Variants in C1orf35 observed in about 807,000 individuals in gnomAD.
C1orf35 encodes the protein chromosome 1 open reading frame 35.
A neutral mutation model predicts 30.9 loss-of-function variants in C1orf35; 36 were observed. The ratio of observed to expected loss-of-function variants is 1.16; its 90% CI spans 0.89 to 1.54. C1orf35 has a LOEUF of 1.54. C1orf35 is among the 40% of genes most tolerant of loss of function. The pLI is 0.00. For missense variants in C1orf35, 396 were observed against 358.7 expected, an observed-to-expected ratio of 1.10 and a Z score of -0.84; for synonymous variants, 179 against 148.2, an observed-to-expected ratio of 1.21 and a Z score of -1.51.
At chr1:228,101,790 C>A in intron 6 of C1orf35, 3 of 1,410,366 alleles carry the variant, frequency 2.1e-6, no homozygotes, top group Non-Finnish European at 2.8e-6. Flanking sequence ...CCAGGAGAAG[C>A]CCTGGAGGTG....
At chr1:228,103,099 C>G in intron 1 of C1orf35, 35 bp downstream of exon 1, 1 of 1,607,976 alleles carries the variant, frequency 6.2e-7, no homozygotes, top group South Asian at 1.1e-5. Flanking sequence ...ATCCCGGAGC[C>G]CGGAGCCCGG....
chr1:228,102,471 C>T lies in C1orf35; in HGVS notation c.374+7G>A. The stretch of plus-strand genomic sequence containing the variant: ...AGTGCTGCCCTCCCCTGGAAACCCG[C>T]CCGCACCTTGCGCTCCCCAGCCCCA... On this transcript the variant is annotated splice_region_variant and intron_variant, in intron 4 of 7. Coordinates refer to ENST00000272139, the MANE Select transcript of C1orf35 (RefSeq NM_024319.4). The T allele has an allele frequency of 6.4e-7, 1 of 1,561,232 alleles. No individual in the cohort carries two copies. The highest frequency in any genetic ancestry group is 8.6e-7 in the Non-Finnish European group (1 of 1,157,264).
At chr1:228,101,705 C>A (rs372982182) in intron 6 of C1orf35, 2 of 1,420,830 alleles carry the variant, frequency 1.4e-6, no homozygotes, top group African/African-American at 2.9e-5. Flanking sequence ...CCACCCCAGC[C>A]GTGCCCTTGG....
chr1:228,101,479 A>G lies in C1orf35; in HGVS notation c.534-6T>C. 1.2e-6 allele frequency: 2 copies of G among 1,611,394 alleles called. No homozygotes were observed. The highest frequency in any genetic ancestry group is 1.1e-5 in the South Asian group (1 of 91,080). The stretch of plus-strand genomic sequence containing the variant: ...TTTTCCTGTGGCTCTCACAACTACA[A>G]GGAGGATACAAGGTGTGCCTCAGAC... On this transcript the variant is annotated splice_polypyrimidine_tract_variant and splice_region_variant and intron_variant, in intron 6 of 7. Coordinates refer to ENST00000272139, the MANE Select transcript of C1orf35 (RefSeq NM_024319.4).
In C1orf35 at chr1:228,103,260, G is replaced by A. The variant is rs2033026042; in HGVS notation, c.-33C>T. ...GGAAGGCAGTTGCCTGGGGCCTGCG[G>A]CTTGCAACCTGCAACCCGCAACCCG... On this transcript the variant is annotated 5_prime_UTR_variant, in exon 1 of 8. Coordinates refer to ENST00000272139, the MANE Select transcript of C1orf35 (RefSeq NM_024319.4). 1 of 1,604,874 alleles carries A rather than the reference G, an allele frequency of 6.2e-7. No homozygotes were observed. Among genetic ancestry groups the A allele is most frequent in the African/African-American group, 1.3e-5 (1 of 74,450 alleles).
Position 228,101,214 on chromosome 1 carries a change from A to AG in C1orf35, c.708dup (p.Cys237LeufsTer3). 6.2e-7 allele frequency: 1 copy of AG among 1,614,094 alleles called. No individual in the cohort carries two copies. Among genetic ancestry groups the AG allele is most frequent in the Non-Finnish European group, 8.5e-7 (1 of 1,180,006 alleles). On this transcript the variant is annotated frameshift_variant, in exon 8 of 8. Transcript: ENST00000272139. LOFTEE classifies it low-confidence loss of function (END_TRUNC). ...TGTCCCCGCTTCCTCCTCTTACAGCAGGGGGAGTTGGAGTCGGAGTCATGG... is the reference window on the plus strand; with the variant it reads ...TGTCCCCGCTTCCTCCTCTTACAGCAGGGGGGAGTTGGAGTCGGAGTCATGG...
At position 228,103,315 on chromosome 1, in the gene C1orf35, G is replaced by C; in HGVS notation, c.-88C>G. ...CCGCTACCCACTACCGTCGGACCCA[G>C]GCCCGACCCCGCCTCCGCGTCGCGC... On this transcript the variant is annotated 5_prime_UTR_variant, in exon 1 of 8. Transcript: ENST00000272139. 1.2e-5 allele frequency: 18 copies of C among 1,466,326 alleles called. No individual in the cohort carries two copies. The highest frequency in any genetic ancestry group is 1.6e-5 in the Non-Finnish European group (18 of 1,092,186). The allele number at this position is 1,466,326 out of a possible 1,614,324, so 90.8% of individuals were successfully genotyped here.
In C1orf35 at chr1:228,102,512, C is replaced by G. The variant is rs184854491; in HGVS notation, c.340G>C (p.Gly114Arg). 5 of 1,558,878 alleles carry G rather than the reference C, an allele frequency of 3.2e-6. No homozygotes were observed. The African/African-American group carries it at 5.4e-5, about 17-fold the overall frequency. The change falls in exon 4 of 8, where the codon GGC becomes CGC. Residue 114 changes from glycine to arginine, a missense_variant. Physicochemically the swap from Gly to Arg is moderately radical, Grantham distance 125. Transcript: ENST00000272139. ...CCCAGCCCCAGCAGCCGGTCCACGC[C>G]CTTCTCCTCGGGGTCGCCTCCTTCC... ...KREGGDPEEK[G>R]VDRLLGLGSA...
intron 6 of C1orf35, 134 bp downstream of exon 6, chr1:228,101,946 G>A: frequency 1.4e-6 from 2 of 1,427,134 alleles, no homozygotes; most frequent in East Asian, 2.6e-5. Context: ...ACTGGGACAG[G>A]AAGTAAAGTA....
In C1orf35 at chr1:228,102,638, GTT is replaced by G. The variant is rs1179830573; in HGVS notation, c.291+3_291+4del. 6.2e-7 allele frequency: 1 copy of G among 1,603,266 alleles called. No individual in the cohort carries two copies. The highest frequency in any genetic ancestry group is 1.7e-5 in the Admixed American group (1 of 59,248). The stretch of plus-strand genomic sequence containing the variant: ...CTCCACGCGCCCCCCACCCCGGGGA[GTT>G]ACCTCCTTGCTCAGGCCCGTGGGCT... On this transcript the variant is annotated splice_donor_region_variant and intron_variant, in intron 3 of 7. Coordinates refer to ENST00000272139, the MANE Select transcript of C1orf35 (RefSeq NM_024319.4).
In C1orf35 at chr1:228,102,104, C is replaced by T; in HGVS notation, c.509G>A (p.Arg170Gln). Reference sequence around the variant, plus strand: ...CCTGCTTTCCGTCTGATCCTCCGCCCGCGGCTTCCTCCTGGCCGAGGCTGC... The same window carrying T: ...CCTGCTTTCCGTCTGATCCTCCGCCTGCGGCTTCCTCCTGGCCGAGGCTGC... ...TSAASARRKP[R>Q]AEDQTESSCE... Residue 170 changes from arginine (R) to glutamine (Q), a missense_variant, in exon 6 of 8, where the codon CGG (arginine) becomes CAG (glutamine). Physicochemically the swap from Arg to Gln is conservative, Grantham distance 43 (BLOSUM62 1). Transcript: ENST00000272139. The T allele has an allele frequency of 6.3e-7, 1 of 1,582,860 alleles. No individual in the cohort carries two copies. The highest frequency in any genetic ancestry group is 8.5e-7 in the Non-Finnish European group (1 of 1,172,384).
At chr1:228,102,022 C>T (rs1012005115) in intron 6 of C1orf35, 58 bp downstream of exon 6, 63 of 1,458,660 alleles carry the variant, frequency 4.3e-5, no homozygotes, top group Non-Finnish European at 5.1e-5. Flanking sequence ...GGAGCCGCTC[C>T]GGTCCTCCCG....
At chr1:228,101,310 C>A (rs776561029) in intron 7 of C1orf35, 29 bp downstream of exon 7, 3 of 1,614,034 alleles carry the variant, frequency 1.9e-6, no homozygotes, top group Non-Finnish European at 2.5e-6. Context: ...GCCCCCACCC[C>A]CAAGAGGCAG....
chr1:228,101,688 C>A (rs2032950096), intron 6 of C1orf35: 1 of 1,434,478 alleles, frequency 7.0e-7, no homozygotes, highest in Non-Finnish European at 9.1e-7. Context: ...CACAGCACGC[C>A]CCTGCCCCAC....
intron 2 of C1orf35, 96 bp downstream of exon 2, chr1:228,102,803 T>TTCCCCCCCCCCC: frequency 8.4e-7 from 1 of 1,187,490 alleles, no homozygotes; most frequent in Non-Finnish European, 1.1e-6. Context: ...GCAGCCCCGC[T>TTCCCCCCCCCCC]CCCGCCCAGC....
chr1:228,103,294 T>C lies in C1orf35; in HGVS notation c.-67A>G. The C allele has an allele frequency of 6.4e-7, 1 of 1,555,792 alleles. No homozygotes were observed. On this transcript the variant is annotated 5_prime_UTR_variant, in exon 1 of 8. Transcript: ENST00000272139. ...CTGCAACCCGCAACCCGAGACCCGC[T>C]ACCCACTACCGTCGGACCCAGGCCC...
intron 5 of C1orf35, 42 bp from the exon 6 acceptor site, chr1:228,102,207 C>A (rs752792503): frequency 6.4e-7 from 1 of 1,565,320 alleles, no homozygotes; most frequent in South Asian, 1.1e-5. Flanking sequence ...TGCGGGCCGG[C>A]CCCACACCAC....
chr1:228,102,818 C>A (rs533138515), intron 2 of C1orf35, 81 bp downstream of exon 2: 3 of 1,363,960 alleles, frequency 2.2e-6, no homozygotes, highest in Non-Finnish European at 2.9e-6. Context: ...CCCAGCCCGA[C>A]CCCCAGTCCC....
At position 228,101,056 on chromosome 1, in the gene C1orf35, G is replaced by A. The variant is rs1462043413; in HGVS notation, c.*75C>T. 1.3e-6 allele frequency: 2 copies of A among 1,589,286 alleles called. No homozygotes were observed. The highest frequency in any genetic ancestry group is 8.5e-7 in the Non-Finnish European group (1 of 1,172,406). ...CTCGGGCTTCACCCACACCCAAGGA[G>A]CTTCCGAGGCAGGAGGCAAGCAAGG... On this transcript the variant is annotated 3_prime_UTR_variant, in exon 8 of 8. Coordinates refer to ENST00000272139, the MANE Select transcript of C1orf35 (RefSeq NM_024319.4).
Sources: gnomAD v4.1 joint callset for allele counts on GRCh38, gnomAD v4.1.1 for gene constraint, MANE v1.5 for transcripts, NCBI Gene and HGNC (gene_info 2026-07-23, HGNC 2026-07-21) for gene names.